Variants in UBL3 observed in about 807,000 individuals in gnomAD.
UBL3 encodes ubiquitin-like protein 3.
A neutral mutation model predicts 18.4 loss-of-function variants in UBL3; 6 were observed. The observed-to-expected ratio is 0.33, with a 90% CI of 0.18 to 0.64. UBL3 has a LOEUF of 0.64. UBL3 is among the 30% of genes least tolerant of loss of function. The probability of loss-of-function intolerance (pLI) is 0.76; values close to 1 mark genes in which losing one functional copy is unlikely to be tolerated. For missense variants in UBL3, 109 were observed against 142.9 expected, an observed-to-expected ratio of 0.76 and a Z score of 1.21; for synonymous variants, 49 against 46.6, an observed-to-expected ratio of 1.05 and a Z score of -0.21.
At chr13:29,807,750 T>C (rs1422598800) in intron 1 of UBL3, among the ~76,000 whole-genome samples, 1 of 152,110 alleles carries the variant, frequency 6.6e-6, no homozygotes, top group Non-Finnish European at 1.5e-5. Flanking sequence ...AAAGGAATTC[T>C]GAAAAAGAGA....
In UBL3 at chr13:29,850,607, T is replaced by A. The variant is rs1335462830; in HGVS notation, c.-1069A>T. The A allele has an allele frequency of 6.5e-6, 1 of 154,394 alleles. No homozygotes were observed. The highest frequency in any genetic ancestry group is 2.4e-5 in the African/African-American group (1 of 41,054). 9.6% of individuals were successfully genotyped at this position (154,394 alleles called of 1,614,324 possible). A position where few individuals can be genotyped will look rare whatever the true frequency, so the allele number is the denominator to read the frequency against. On this transcript the variant is annotated 5_prime_UTR_variant, in exon 1 of 5. Coordinates refer to ENST00000380680, the MANE Select transcript of UBL3 (RefSeq NM_007106.4). ...GGCAGCGGCGGCGGCGGCGGCTGCC[T>A]GAGTGCGACTAAGGGAAACGGGGAG...
At chr13:29,835,107 A>AATATATATATATATAGAAATATAT (rs1878897350) in intron 1 of UBL3, among the ~76,000 whole-genome samples, 1 of 23,796 alleles carries the variant, frequency 4.2e-5, no homozygotes, top group Admixed American at 6.5e-4. Context: ...TATATATATA[A>AATATATATATATATAGAAATATAT]ATATATATAT....
At chr13:29,841,492 A>G (rs1473376431) in intron 1 of UBL3, among the ~76,000 whole-genome samples, 1 of 152,222 alleles carries the variant, frequency 6.6e-6, no homozygotes, top group Non-Finnish European at 1.5e-5. Context: ...TAATTTTACC[A>G]ATTAGTAAGA....
chr13:29,772,148 G>C lies in UBL3; in HGVS notation c.187C>G (p.Gln63Glu). The C allele has an allele frequency of 6.2e-7, 1 of 1,611,976 alleles. No homozygotes were observed. The highest frequency in any genetic ancestry group is 8.5e-7 in the Non-Finnish European group (1 of 1,178,698). The change falls in exon 3 of 5, where the codon CAA becomes GAA. Residue 63 changes from glutamine to glutamate, a missense_variant. Coordinates refer to ENST00000380680, the MANE Select transcript of UBL3 (RefSeq NM_007106.4). ...ACATTTCCATGTAGAAATCGTCCTT[G>C]ATAAATAAGTCGTAGAATATTTGGA... is the stretch of plus-strand genomic sequence containing the variant. ...SSPNILRLIYQGRFLHGNVTL... is the reference protein window; with the variant it reads ...SSPNILRLIYEGRFLHGNVTL...
chr13:29,845,814 C>A (rs1879214122), intron 1 of UBL3, among the ~76,000 whole-genome samples: 1 of 151,996 alleles, frequency 6.6e-6, no homozygotes, highest in Non-Finnish European at 1.5e-5. Flanking sequence ...TTTCTTTGAC[C>A]GTTTTATCAA....
At chr13:29,803,584 G>A (rs1333543116) in intron 1 of UBL3, among the ~76,000 whole-genome samples, 1 of 149,528 alleles carries the variant, frequency 6.7e-6, no homozygotes, top group Admixed American at 6.7e-5. Context: ...AAGGGATGGA[G>A]AAAAATCTAC....
chr13:29,781,252 C>T (rs1877167387), intron 1 of UBL3, among the ~76,000 whole-genome samples: 1 of 152,162 alleles, frequency 6.6e-6, no homozygotes, highest in Non-Finnish European at 1.5e-5. Flanking sequence ...GGTTATATTT[C>T]AATAGCATGG....
chr13:29,811,786 T>G (rs1394953842), intron 1 of UBL3, among the ~76,000 whole-genome samples: 2 of 152,146 alleles, frequency 1.3e-5, no homozygotes, highest in Admixed American at 1.3e-4. Flanking sequence ...TTATGTGAGA[T>G]AATTAAATAT....
At chr13:29,804,321 G>C (rs563904694) in intron 1 of UBL3, among the ~76,000 whole-genome samples, 23 of 152,054 alleles carry the variant, frequency 1.5e-4, no homozygotes, top group African/African-American at 5.1e-4. Context: ...GCTAAAGATG[G>C]AAGTTTATAA....
intron 1 of UBL3, among the ~76,000 whole-genome samples, chr13:29,789,618 G>A (rs1877431201): frequency 6.6e-6 from 1 of 152,218 alleles, no homozygotes; most frequent in Non-Finnish European, 1.5e-5. Flanking sequence ...AGTACTCTGG[G>A]TTTGCTGTAA....
At chr13:29,829,962 C>T (rs1369924113) in intron 1 of UBL3, among the ~76,000 whole-genome samples, 1 of 152,218 alleles carries the variant, frequency 6.6e-6, no homozygotes, top group Non-Finnish European at 1.5e-5. Context: ...TGTTTTCAAA[C>T]AGAGCGAAAG....
intron 1 of UBL3, among the ~76,000 whole-genome samples, chr13:29,815,594 T>C (rs1250120903): frequency 6.6e-6 from 1 of 152,152 alleles, no homozygotes; most frequent in African/African-American, 2.4e-5. Flanking sequence ...TTCCCAAATA[T>C]GTACTGTCTT....
chr13:29,849,615 G>T lies in UBL3; in HGVS notation c.-77C>A. 6.4e-7 allele frequency: 1 copy of T among 1,570,890 alleles called. No homozygotes were observed. The highest frequency in any genetic ancestry group is 1.1e-5 in the South Asian group (1 of 90,104). ...AAAGAGCAGAAGTCTTCACGTTACA[G>T]AAATAAACCACGATTTTGACTGGTT... On this transcript the variant is annotated 5_prime_UTR_variant, in exon 1 of 5. It adds an upstream start codon to the 5' untranslated region. Transcript: ENST00000380680.
intron 1 of UBL3, among the ~76,000 whole-genome samples, chr13:29,823,910 A>C (rs1878547021): frequency 1.5e-5 from 2 of 129,786 alleles, no homozygotes; most frequent in Admixed American, 2.0e-4. Flanking sequence ...TCCTGTGTTC[A>C]AGTGTTCTCA....
chr13:29,837,656 C>T (rs1878991959), intron 1 of UBL3, among the ~76,000 whole-genome samples: 1 of 152,082 alleles, frequency 6.6e-6, no homozygotes, highest in Non-Finnish European at 1.5e-5. Flanking sequence ...AATCCCAACA[C>T]TTTGTAATCA....
At chr13:29,823,135 T>C (rs986024507) in intron 1 of UBL3, among the ~76,000 whole-genome samples, 1 of 152,136 alleles carries the variant, frequency 6.6e-6, no homozygotes, top group Non-Finnish European at 1.5e-5. Flanking sequence ...AATAGTAAAT[T>C]TAGTTTTGTT....
At position 29,767,227 on chromosome 13, in the gene UBL3, A is replaced by C. The variant is rs367925955; in HGVS notation, c.*28T>G. The stretch of plus-strand genomic sequence containing the variant: ...CCCAGCAGCATGAAAGACAAAGACT[A>C]TATCACATCACACTAGGCAGACAGT... On this transcript the variant is annotated 3_prime_UTR_variant, in exon 5 of 5. Coordinates refer to ENST00000380680, the MANE Select transcript of UBL3 (RefSeq NM_007106.4). 1 of 1,611,864 alleles carries C rather than the reference A, an allele frequency of 6.2e-7. No individual in the cohort carries two copies. Among genetic ancestry groups the C allele is most frequent in the African/African-American group, 1.3e-5 (1 of 74,854 alleles).
In UBL3 at chr13:29,782,243, A is replaced by C. The variant is rs117220807; in HGVS notation, c.28-4980T>G. Among the ~76,000 whole-genome samples, 1,242 of 152,208 alleles carry C rather than the reference A, an allele frequency of 8.2e-3. 11 individuals carry two copies. The highest frequency in any genetic ancestry group is 0.012 in the Non-Finnish European group (828 of 68,004). ...TCTTTTTTTCCACTCACAAGCTTAA[A>C]AGCTTGTGAGAGGAAAACCAAACCA... On this transcript the variant is annotated intron_variant, in intron 1 of 4. Transcript: ENST00000380680.
At chr13:29,817,268 G>C (rs1251062551) in intron 1 of UBL3, among the ~76,000 whole-genome samples, 1 of 152,146 alleles carries the variant, frequency 6.6e-6, no homozygotes, top group East Asian at 1.9e-4. Flanking sequence ...CCATAGCTTG[G>C]TATGCAACAC....
Sources: gnomAD v4.1 joint callset for allele counts (sites outside exome capture counted in the v4.1 genomes callset) on GRCh38, gnomAD v4.1.1 for gene constraint, MANE v1.5 for transcripts, NCBI Gene and HGNC (gene_info 2026-07-23, HGNC 2026-07-21) for gene names.